Variants in RARB observed in about 807,000 individuals in gnomAD.
RARB encodes the protein HBV-activated protein.
A neutral mutation model predicts 51.9 loss-of-function variants in RARB; 17 were observed. That is an observed-to-expected ratio of 0.33 (90% CI 0.22 to 0.49). The LOEUF is 0.49. RARB is among the 20% of genes least tolerant of loss of function. The pLI is 0.99. For synonymous variants in RARB, 215 were observed against 195.4 expected (o/e 1.10, Z -0.84); for missense variants, 369 against 550.8 (o/e 0.67, Z 3.30).
At chr3:25,119,659 C>CA (rs372975404) in intron 3 of RARB, among the ~76,000 whole-genome samples, 4,464 of 134,106 alleles carry the variant, frequency 0.033, 156 homozygotes, top group African/African-American at 0.1. Flanking sequence ...AACAAACAAA[C>CA]AAAAAAAAAA....
At chr3:25,335,753 G>A (rs1395234226) in intron 5 of RARB, among the ~76,000 whole-genome samples, 1 of 152,168 alleles carries the variant, frequency 6.6e-6, no homozygotes, top group South Asian at 2.1e-4. Flanking sequence ...CTCTGTTTCT[G>A]CCTCTGACAA....
At chr3:25,499,555 G>C (rs1243523773) in intron 2 of RARB, among the ~76,000 whole-genome samples, 2 of 152,212 alleles carry the variant, frequency 1.3e-5, no homozygotes, top group Non-Finnish European at 2.9e-5. Context: ...GGAGCCTGAA[G>C]TCTGCTTTAT....
At chr3:25,487,058 TC>T in intron 2 of RARB, among the ~76,000 whole-genome samples, 1 of 152,276 alleles carries the variant, frequency 6.6e-6, no homozygotes, top group Non-Finnish European at 1.5e-5. Flanking sequence ...CCCTGCTCAG[TC>T]ACACACTTTC....
rs139469206 is a variant in RARB at position 25,381,855 on chromosome 3, A to G, written c.179-79338A>G. ...TTAACAAACCCTTCAAGTGATTCTG[A>G]TGATGCTAATGCTTGAGAACTACCA... On this transcript the variant is annotated intron_variant, in intron 5 of 11. Transcript: ENST00000383772. 1.2e-4 allele frequency among the ~76,000 whole-genome samples: 18 copies of G among 152,300 alleles called. 1 individual carries two copies. The highest frequency in any genetic ancestry group is 4.3e-4 in the African/African-American group (18 of 41,554).
intron 2 of RARB, among the ~76,000 whole-genome samples, chr3:24,875,689 A>G (rs1424216038): frequency 6.6e-6 from 1 of 152,114 alleles, no homozygotes. Flanking sequence ...GTTTACCCTC[A>G]TGTTAATACC....
At chr3:24,864,565 C>T (rs999146850) in intron 2 of RARB, among the ~76,000 whole-genome samples, 7 of 152,154 alleles carry the variant, frequency 4.6e-5, no homozygotes, top group African/African-American at 1.4e-4. Context: ...CTCTCATATC[C>T]AAACTCAGTT....
intron 2 of RARB, among the ~76,000 whole-genome samples, chr3:24,931,945 C>A (rs867500017): frequency 6.6e-6 from 1 of 152,042 alleles, no homozygotes; most frequent in Non-Finnish European, 1.5e-5. Context: ...TGTTTCCAGA[C>A]TTATGTTTCT....
At chr3:25,579,852 G>C (rs543094558) in intron 4 of RARB, among the ~76,000 whole-genome samples, 1 of 152,282 alleles carries the variant, frequency 6.6e-6, no homozygotes, top group East Asian at 1.9e-4. Flanking sequence ...TATTTCATGG[G>C]TGGTGGTGTG....
intron 2 of RARB, among the ~76,000 whole-genome samples, chr3:24,863,478 T>G (rs73152477): frequency 1.3e-5 from 2 of 152,156 alleles, no homozygotes; most frequent in African/African-American, 4.8e-5. Flanking sequence ...GAGTGTAATA[T>G]CATTTGCCTG....
chr3:24,852,318 AG>A (rs1237910276), intron 1 of RARB, among the ~76,000 whole-genome samples: 3 of 152,230 alleles, frequency 2.0e-5, no homozygotes, highest in African/African-American at 4.8e-5. Flanking sequence ...AATATTTGAG[AG>A]ACTGTGGCTC....
chr3:25,156,820 G>C (rs1700382957), intron 4 of RARB, among the ~76,000 whole-genome samples: 2 of 152,176 alleles, frequency 1.3e-5, no homozygotes, highest in Admixed American at 1.3e-4. Flanking sequence ...GTCTTAGCTA[G>C]AACAAGGCTA....
intron 2 of RARB, among the ~76,000 whole-genome samples, chr3:24,915,076 T>TG (rs1165382247): frequency 2.0e-5 from 3 of 152,162 alleles, no homozygotes; most frequent in Non-Finnish European, 2.9e-5. Flanking sequence ...TAGTGGTTAG[T>TG]GGGGAGAGGA....
At chr3:25,128,021 A>T (rs977663559) in intron 3 of RARB, among the ~76,000 whole-genome samples, 3 of 152,036 alleles carry the variant, frequency 2.0e-5, no homozygotes, top group African/African-American at 7.2e-5. Flanking sequence ...GCTGTAGGGG[A>T]CGAAAAGCAA....
chr3:25,067,665 A>T (rs1480793844), intron 3 of RARB, among the ~76,000 whole-genome samples: 1 of 152,172 alleles, frequency 6.6e-6, no homozygotes, highest in Non-Finnish European at 1.5e-5. Context: ...AAATATTTCA[A>T]TGAATAAATC....
intron 3 of RARB, among the ~76,000 whole-genome samples, chr3:25,073,211 G>A (rs1698805209): frequency 6.6e-6 from 1 of 152,236 alleles, no homozygotes; most frequent in Admixed American, 6.5e-5. Context: ...ATGAAGCAGA[G>A]AAAGCATGAC....
chr3:24,934,905 G>A (rs1695518110), intron 2 of RARB, among the ~76,000 whole-genome samples: 1 of 152,054 alleles, frequency 6.6e-6, no homozygotes, highest in Non-Finnish European at 1.5e-5. Flanking sequence ...AAAGTTAATG[G>A]TATTTTGGAG....
chr3:25,044,556 G>C (rs995778463), intron 2 of RARB, among the ~76,000 whole-genome samples: 1 of 152,144 alleles, frequency 6.6e-6, no homozygotes, highest in African/African-American at 2.4e-5. Context: ...TGGTGTTCAA[G>C]GTTCCATGTG....
chr3:25,332,844 C>T (rs956417369), intron 5 of RARB, among the ~76,000 whole-genome samples: 3 of 152,166 alleles, frequency 2.0e-5, no homozygotes, highest in African/African-American at 7.2e-5. Context: ...GATACAAAAT[C>T]AACGTGCAAA....
intron 2 of RARB, among the ~76,000 whole-genome samples, chr3:25,472,173 T>G (rs997801219): frequency 6.6e-6 from 1 of 152,226 alleles, no homozygotes; most frequent in Non-Finnish European, 1.5e-5. Context: ...CTACAGGACT[T>G]TTTTCTCACA....
Sources: allele counts gnomAD v4.1 joint callset (sites outside exome capture counted in the v4.1 genomes callset), GRCh38; gene constraint gnomAD v4.1.1; transcripts MANE v1.5; gene names NCBI Gene and HGNC (gene_info 2026-07-23, HGNC 2026-07-21).